Variants in CTNNA3 observed in about 807,000 individuals in gnomAD.
CTNNA3 encodes catenin alpha-3.
A neutral mutation model predicts 95.7 loss-of-function variants in CTNNA3; 76 were observed. That is an observed-to-expected ratio of 0.79 (90% CI 0.66 to 0.96). The LOEUF is 0.96. Ranked by LOEUF, CTNNA3 falls within the 40% of genes least tolerant of loss-of-function variation. The pLI is 0.00. For missense variants in CTNNA3, 1,191 were observed against 1,089.8 expected, an observed-to-expected ratio of 1.09 and a Z score of -1.31; for synonymous variants, 431 against 374.4, an observed-to-expected ratio of 1.15 and a Z score of -1.74.
At chr10:66,291,172 C>T (rs560560632) in intron 12 of CTNNA3, among the ~76,000 whole-genome samples, 2 of 152,236 alleles carry the variant, frequency 1.3e-5, no homozygotes, top group African/African-American at 4.8e-5. Context: ...GATTGGGGGT[C>T]TCTTCCCTGA....
intron 11 of CTNNA3, among the ~76,000 whole-genome samples, chr10:66,383,355 G>T (rs1184601362): frequency 6.6e-6 from 1 of 152,242 alleles, no homozygotes; most frequent in Non-Finnish European, 1.5e-5. Context: ...AGTGATTGAA[G>T]ATCAAATTAA....
chr10:65,959,791 C>T (rs112028958), intron 17 of CTNNA3, among the ~76,000 whole-genome samples: 4 of 152,130 alleles, frequency 2.6e-5, no homozygotes, highest in African/African-American at 9.7e-5. Context: ...GCTGGGATTA[C>T]AGCCCTGAGC....
intron 15 of CTNNA3, among the ~76,000 whole-genome samples, chr10:66,067,358 C>G (rs2080334304): frequency 6.6e-6 from 1 of 152,142 alleles, no homozygotes; most frequent in South Asian, 2.1e-4. Flanking sequence ...CAAGAAAAAT[C>G]TAGACAGACA....
chr10:66,522,190 T>C (rs1016025920), intron 10 of CTNNA3, among the ~76,000 whole-genome samples: 11 of 152,158 alleles, frequency 7.2e-5, no homozygotes, highest in African/African-American at 2.7e-4. Flanking sequence ...AGTTATCAGT[T>C]TGTAAACTGA....
At chr10:67,125,683 A>G (rs1435884369) in intron 7 of CTNNA3, among the ~76,000 whole-genome samples, 1 of 152,322 alleles carries the variant, frequency 6.6e-6, no homozygotes, top group African/African-American at 2.4e-5. Flanking sequence ...CACAACTTCA[A>G]TTATGTAAGT....
intron 5 of CTNNA3, among the ~76,000 whole-genome samples, chr10:67,324,637 AC>A (rs1168060569): frequency 6.6e-6 from 1 of 151,878 alleles, no homozygotes; most frequent in African/African-American, 2.4e-5. Context: ...GATTCAGTTT[AC>A]CAGTATTTTG....
At chr10:67,559,725 G>C (rs145473781) in intron 3 of CTNNA3, among the ~76,000 whole-genome samples, 2,517 of 152,160 alleles carry the variant, frequency 0.017, 75 homozygotes, top group African/African-American at 0.055. Context: ...AGGCAAAGAA[G>C]TTAAAAACTT....
chr10:67,305,594 T>TA lies in CTNNA3; in HGVS notation c.580-85725dup, dbSNP rs1165684889. Among the ~76,000 whole-genome samples the TA allele has an allele frequency of 3.3e-5, 5 of 151,664 alleles. No homozygotes were observed. In the South Asian group the frequency reaches 1.0e-3, roughly 32 times the overall value. On this transcript the variant is annotated intron_variant, in intron 5 of 17. Transcript: ENST00000433211. The stretch of plus-strand genomic sequence containing the variant: ...TTTTAAAAGGTCACAATGTGAATTG[T>TA]AAAAAAATAAATAAATAAATAAAGC...
At chr10:66,905,495 T>C (rs1267600948) in intron 7 of CTNNA3, among the ~76,000 whole-genome samples, 1 of 152,142 alleles carries the variant, frequency 6.6e-6, no homozygotes, top group Admixed American at 6.6e-5. Context: ...GTTGTACACA[T>C]GTGCCCTAGA....
At chr10:67,342,099 CT>C (rs764381058) in intron 5 of CTNNA3, among the ~76,000 whole-genome samples, 2,385 of 83,510 alleles carry the variant, frequency 0.029, 77 homozygotes, top group East Asian at 0.22. Flanking sequence ...TATTTTTCTT[CT>C]TTTTTTTTTT....
chr10:67,580,948 G>C (rs992615838), intron 3 of CTNNA3, among the ~76,000 whole-genome samples: 5 of 152,100 alleles, frequency 3.3e-5, no homozygotes, highest in African/African-American at 4.8e-5. Flanking sequence ...TCAGCTTAAG[G>C]AGATTTTGGG....
At chr10:67,270,682 T>C (rs562729026) in intron 5 of CTNNA3, among the ~76,000 whole-genome samples, 1 of 152,304 alleles carries the variant, frequency 6.6e-6, no homozygotes, top group African/African-American at 2.4e-5. Flanking sequence ...AAAGGAATAT[T>C]AGCTTTTGTG....
intron 9 of CTNNA3, among the ~76,000 whole-genome samples, chr10:66,679,708 G>A (rs1385447118): frequency 2.0e-5 from 3 of 152,080 alleles, no homozygotes; most frequent in African/African-American, 4.8e-5. Flanking sequence ...ACATAAGTGG[G>A]AAAAATAAGC....
chr10:67,131,753 G>C (rs990625239), intron 7 of CTNNA3, among the ~76,000 whole-genome samples: 1 of 152,016 alleles, frequency 6.6e-6, no homozygotes, highest in Non-Finnish European at 1.5e-5. Context: ...AAAAACATGT[G>C]GCTTGTAGAC....
intron 14 of CTNNA3, among the ~76,000 whole-genome samples, chr10:66,085,442 A>G (rs1392166705): frequency 1.3e-5 from 2 of 152,186 alleles, no homozygotes; most frequent in African/African-American, 4.8e-5. Flanking sequence ...CAACTGTAAT[A>G]GATTACATCT....
chr10:66,514,874 AAT>A (rs1433501974), intron 11 of CTNNA3, among the ~76,000 whole-genome samples: 2 of 152,082 alleles, frequency 1.3e-5, no homozygotes, highest in Admixed American at 6.6e-5. Context: ...GACCTCTGAA[AAT>A]ATATGTTTAA....
At chr10:67,331,219 T>C (rs1318432156) in intron 5 of CTNNA3, among the ~76,000 whole-genome samples, 1 of 152,170 alleles carries the variant, frequency 6.6e-6, no homozygotes, top group African/African-American at 2.4e-5. Context: ...ATGTTAAATT[T>C]AGGCTCCTGT....
intron 17 of CTNNA3, among the ~76,000 whole-genome samples, chr10:65,962,982 G>A (rs2077881867): frequency 6.6e-6 from 1 of 152,094 alleles, no homozygotes; most frequent in African/African-American, 2.4e-5. Context: ...TTGGTTCCAA[G>A]TCTTTGCTAT....
chr10:66,573,271 C>T (rs1008934457), intron 10 of CTNNA3, among the ~76,000 whole-genome samples: 3 of 152,068 alleles, frequency 2.0e-5, no homozygotes, highest in African/African-American at 7.2e-5. Context: ...AAAATGCAAT[C>T]ACAGTGAAAA....
Sources: gnomAD v4.1 joint callset for allele counts (sites outside exome capture counted in the v4.1 genomes callset) on GRCh38, gnomAD v4.1.1 for gene constraint, MANE v1.5 for transcripts, NCBI Gene and HGNC (gene_info 2026-07-23, HGNC 2026-07-21) for gene names.